Variants in UBR3 observed in about 807,000 individuals in gnomAD.
UBR3 encodes the protein ubiquitin protein ligase E3 component n-recognin 3, also known as E3 ubiquitin-protein ligase UBR3.
A neutral mutation model predicts 243.2 loss-of-function variants in UBR3; 85 were observed. The observed-to-expected ratio is 0.35, with a 90% CI of 0.29 to 0.42. The LOEUF (loss-of-function observed/expected upper bound fraction) is 0.42, where lower values mean the gene tolerates loss of function less well. Among genes scored for constraint, UBR3 ranks in the 10% least tolerant of loss-of-function variants. The pLI, the probability that UBR3 is intolerant of heterozygous loss-of-function variation, is 1.00. For synonymous variants in UBR3, 748 were observed against 799.8 expected, an observed-to-expected ratio of 0.94 and a Z score of 1.09; for missense variants, 1,686 against 2,300.8, an observed-to-expected ratio of 0.73 and a Z score of 5.47.
At chr2:170,073,661 A>G (rs2091747331) in intron 36 of UBR3, 54 bp downstream of exon 36, 4 of 1,558,318 alleles carry the variant, frequency 2.6e-6, no homozygotes, top group Admixed American at 4.0e-5. Context: ...CTAATAGGTA[A>G]GAGAATAATG....
chr2:170,016,259 C>T (rs757341428), intron 30 of UBR3, among the ~76,000 whole-genome samples: 9 of 151,762 alleles, frequency 5.9e-5, no homozygotes, highest in Non-Finnish European at 4.4e-5. Flanking sequence ...AAATTTCTAA[C>T]ATAAAAGCAA....
intron 35 of UBR3, among the ~76,000 whole-genome samples, chr2:170,070,199 C>A (rs1211502332): frequency 6.6e-6 from 1 of 151,872 alleles, no homozygotes; most frequent in East Asian, 1.9e-4. Context: ...GGTTCGACAA[C>A]AAAAGTCAAT....
chr2:170,077,594 G>T, intron 36 of UBR3: 1 of 513,600 alleles, frequency 1.9e-6, no homozygotes, highest in Non-Finnish European at 3.5e-6. Context: ...TTTCCTGTTG[G>T]AATAACTTTG....
intron 6 of UBR3, among the ~76,000 whole-genome samples, chr2:169,894,800 T>C (rs925939807): frequency 1.3e-5 from 2 of 152,206 alleles, no homozygotes; most frequent in Non-Finnish European, 2.9e-5. Flanking sequence ...GATACTGTTT[T>C]TTCCAGTCTC....
intron 19 of UBR3, among the ~76,000 whole-genome samples, chr2:169,933,791 A>G (rs933271760): frequency 6.6e-6 from 1 of 152,202 alleles, no homozygotes; most frequent in Non-Finnish European, 1.5e-5. Context: ...AGAAATATCT[A>G]TCACAGACAA....
intron 24 of UBR3, among the ~76,000 whole-genome samples, chr2:169,976,771 G>C (rs1001600164): frequency 1.3e-5 from 2 of 152,012 alleles, no homozygotes; most frequent in African/African-American, 4.8e-5. Context: ...GAGAACTTTT[G>C]AGCTTCTTGG....
intron 36 of UBR3, among the ~76,000 whole-genome samples, chr2:170,074,905 C>T (rs1408341400): frequency 6.6e-6 from 1 of 152,144 alleles, no homozygotes; most frequent in African/African-American, 2.4e-5. Flanking sequence ...CTCATATATA[C>T]TAGTCACCTA....
rs543899246 is a variant in UBR3, at chr2:169,923,032, A to G, written c.1867-897A>G. Among the ~76,000 whole-genome samples, 7 of 152,256 alleles carry G rather than the reference A, an allele frequency of 4.6e-5. No homozygotes were observed. The South Asian group carries it at 8.3e-4, about 18-fold the overall frequency. ...ACTTAAAAAGCATTAAAAACAAACA[A>G]TACCTTTTCAGTTCTTAACTCATTT... On this transcript the variant is annotated intron_variant, in intron 11 of 38. Transcript: ENST00000272793.
At chr2:169,919,353 C>G (rs1053305779) in intron 11 of UBR3, among the ~76,000 whole-genome samples, 6 of 152,146 alleles carry the variant, frequency 3.9e-5, no homozygotes, top group African/African-American at 1.4e-4. Context: ...AGTCAAGGTT[C>G]TTTTAATGCA....
intron 36 of UBR3, chr2:170,078,422 G>A (rs2091853733): frequency 9.7e-6 from 2 of 206,616 alleles, no homozygotes. Flanking sequence ...CATGAGAGGT[G>A]TTACAGCTGT....
intron 26 of UBR3, among the ~76,000 whole-genome samples, chr2:169,997,235 C>T (rs374827552): frequency 6.6e-6 from 1 of 152,296 alleles, no homozygotes; most frequent in Admixed American, 6.5e-5. Flanking sequence ...GGGCTTCACT[C>T]GGGCCCACTG....
At chr2:170,052,070 T>C (rs1169349954) in intron 32 of UBR3, among the ~76,000 whole-genome samples, 1 of 152,180 alleles carries the variant, frequency 6.6e-6, no homozygotes, top group African/African-American at 2.4e-5. Context: ...AAACTCAGTA[T>C]ATATAATGTT....
rs1322015224 is a variant in UBR3, at chr2:169,949,997, A to G, written c.3477A>G (p.Lys1159=). The G allele has an allele frequency of 1.2e-6, 2 of 1,613,306 alleles. No individual in the cohort carries two copies. The highest frequency in any genetic ancestry group is 1.1e-5 in the South Asian group (1 of 90,938). The change falls in exon 23 of 39, where the codon AAA becomes AAG. Residue 1159 remains lysine, a synonymous_variant. Transcript: ENST00000272793. Reference sequence around the variant, plus strand: ...GCATCATTGAAGAGATATGTAGAAAAGTGACCCCTCCTGTACCACCTAAAA... The same window carrying G: ...GCATCATTGAAGAGATATGTAGAAAGGTGACCCCTCCTGTACCACCTAAAA... The part of the protein sequence containing the change: ...NKRIIEEICR[K]VTPPVPPKKV...
intron 6 of UBR3, among the ~76,000 whole-genome samples, chr2:169,893,660 G>A (rs2084460201): frequency 6.6e-6 from 1 of 152,104 alleles, no homozygotes. Context: ...AGGCTCAAGC[G>A]ATCCAATCCT....
intron 18 of UBR3, among the ~76,000 whole-genome samples, chr2:169,929,326 G>C (rs747034220): frequency 1.4e-4 from 21 of 152,190 alleles, no homozygotes; most frequent in Admixed American, 3.9e-4. Flanking sequence ...TGTAATCCCA[G>C]CACTTTGGGA....
At chr2:169,856,449 G>T (rs2082867691) in intron 1 of UBR3, among the ~76,000 whole-genome samples, 1 of 152,200 alleles carries the variant, frequency 6.6e-6, no homozygotes, top group Non-Finnish European at 1.5e-5. Context: ...GGCAGAGGCT[G>T]CAATCTCTGC....
Position 170,081,324 on chromosome 2 carries a change from C to T in UBR3, c.5550-402C>T, listed in dbSNP as rs1426630142. Among the ~76,000 whole-genome samples, 4 of 151,988 alleles carry T rather than the reference C, an allele frequency of 2.6e-5. No homozygotes were observed. The South Asian group carries it at 6.2e-4, about 24-fold the overall frequency. The stretch of plus-strand genomic sequence containing the variant: ...GACCAGGCTGGCCAATATGGTGAAA[C>T]CCCGTCTCTACTAAAAATACAAAAA... On this transcript the variant is annotated intron_variant, in intron 38 of 38. Transcript: ENST00000272793.
Position 169,905,280 on chromosome 2 carries a change from A to G in UBR3, c.1632A>G (p.Val544=). ...HGLLVTWMNF[V]SFFQGMNLNK... ...TGTTAGTTACATGGATGAACTTTGT[A>G]TCTTTCTTTCAAGGTATGAATTTTA... Residue 544 remains valine (V), a synonymous_variant, in exon 9 of 39, where the codon GTA becomes GTG. Coordinates refer to ENST00000272793, the MANE Select transcript of UBR3 (RefSeq NM_172070.4). The G allele has an allele frequency of 6.6e-7, 1 of 1,522,704 alleles. No homozygotes were observed. Among genetic ancestry groups the G allele is most frequent in the Non-Finnish European group, 8.8e-7 (1 of 1,135,812 alleles). 94.3% of individuals were successfully genotyped at this position (1,522,704 alleles called of 1,614,324 possible).
intron 23 of UBR3, 49 bp from the exon 24 acceptor site, chr2:169,958,389 A>G: frequency 6.6e-7 from 1 of 1,526,612 alleles, no homozygotes; most frequent in Non-Finnish European, 9.0e-7. Flanking sequence ...TATAGTAGCT[A>G]GGTCTTAAGC....
Sources: allele counts gnomAD v4.1 joint callset (sites outside exome capture counted in the v4.1 genomes callset), GRCh38; gene constraint gnomAD v4.1.1; transcripts MANE v1.5; gene names NCBI Gene and HGNC (gene_info 2026-07-23, HGNC 2026-07-21).